GABBR2: variants seen among roughly 807,000 people sequenced by gnomAD.
The protein encoded by GABBR2 is gamma-aminobutyric acid type B receptor subunit 2.
Under a neutral mutation model 105.6 loss-of-function variants are expected in GABBR2, and 23 were observed. The ratio of observed to expected loss-of-function variants is 0.22; its 90% CI spans 0.16 to 0.31. The LOEUF is 0.31. Among genes scored for constraint, GABBR2 ranks in the 10% least tolerant of loss-of-function variants. The pLI is 1.00. For synonymous variants in GABBR2, 478 were observed against 499.7 expected, an observed-to-expected ratio of 0.96 and a Z score of 0.58; for missense variants, 734 against 1,245.5, an observed-to-expected ratio of 0.59 and a Z score of 6.18.
At position 98,289,639 on chromosome 9, in the gene GABBR2, A is replaced by G. The variant is rs1434084485; in HGVS notation, c.*945T>C. On this transcript the variant is annotated 3_prime_UTR_variant, in exon 19 of 19. Transcript: ENST00000259455. ...TGGTCAGAAACAAAGTTAGTGGGAA[A>G]AAAAAAAAAAAAATCCCAGCCAGCC... 7.4e-6 allele frequency: 1 copy of G among 135,334 alleles called. No individual in the cohort carries two copies. The highest frequency in any genetic ancestry group is 1.7e-5 in the Non-Finnish European group (1 of 58,178). The allele number at this position is 135,334 out of a possible 1,614,324, so 8.4% of individuals were successfully genotyped here.
intron 7 of GABBR2, among the ~76,000 whole-genome samples, chr9:98,440,838 T>C (rs1468094046): frequency 6.6e-6 from 1 of 152,214 alleles, no homozygotes; most frequent in African/African-American, 2.4e-5. Flanking sequence ...TCCTGTCGGC[T>C]AAAATTTATG....
In GABBR2 at chr9:98,454,614, CAAACTG is replaced by C. The variant is rs1826293702; in HGVS notation, c.1000-403_1000-398del. ...AAATGTTAAAGTTATAGCATATGAA[CAAACTG>C]TTCAAAAATATTCTCTATCTCCTCA... is the stretch of plus-strand genomic sequence containing the variant. On this transcript the variant is annotated intron_variant, in intron 6 of 18. Coordinates refer to ENST00000259455, the MANE Select transcript of GABBR2 (RefSeq NM_005458.8). The surrounding 1 kb of genome is among the most constrained non-coding windows in gnomAD (Gnocchi z 4.6). Among the ~76,000 whole-genome samples, 1 of 152,150 alleles carries C rather than the reference CAAACTG, an allele frequency of 6.6e-6. No homozygotes were observed. The highest frequency in any genetic ancestry group is 1.5e-5 in the Non-Finnish European group (1 of 68,026).
chr9:98,529,848 C>A (rs550561032), intron 3 of GABBR2, among the ~76,000 whole-genome samples: 16 of 152,302 alleles, frequency 1.1e-4, no homozygotes, highest in African/African-American at 3.8e-4. Flanking sequence ...CAGGTAAAGT[C>A]TCAACTTAGA....
intron 1 of GABBR2, among the ~76,000 whole-genome samples, chr9:98,579,472 T>C (rs1030922459): frequency 1.3e-5 from 2 of 152,162 alleles, no homozygotes; most frequent in Admixed American, 6.5e-5. Flanking sequence ...CTACTGGGTG[T>C]CTTACCTCCC....
At chr9:98,562,719 T>C (rs960701690) in intron 2 of GABBR2, among the ~76,000 whole-genome samples, 1 of 152,052 alleles carries the variant, frequency 6.6e-6, no homozygotes, top group African/African-American at 2.4e-5. Flanking sequence ...CAGGTTAAAG[T>C]AACTTTCAAA....
intron 5 of GABBR2, 89 bp downstream of exon 5, chr9:98,480,842 CA>C: frequency 1.3e-6 from 1 of 788,720 alleles, no homozygotes; most frequent in South Asian, 1.4e-5. Flanking sequence ...CCTGTGATCC[CA>C]CTCACAGACT....
At chr9:98,572,108 A>G (rs1032108841) in intron 2 of GABBR2, among the ~76,000 whole-genome samples, 1 of 152,124 alleles carries the variant, frequency 6.6e-6, no homozygotes, top group Admixed American at 6.5e-5. Context: ...GCAGGCTCTG[A>G]CAGTTTGGAG....
chr9:98,647,453 C>G (rs1381020150), intron 1 of GABBR2, among the ~76,000 whole-genome samples: 1 of 152,180 alleles, frequency 6.6e-6, no homozygotes, highest in Non-Finnish European at 1.5e-5. Flanking sequence ...CAGATGGCCT[C>G]AAGTTTGATC....
At chr9:98,662,013 A>G (rs1432172226) in intron 1 of GABBR2, among the ~76,000 whole-genome samples, 1 of 152,156 alleles carries the variant, frequency 6.6e-6, no homozygotes, top group Non-Finnish European at 1.5e-5. Flanking sequence ...CTTCTGCTTC[A>G]CTTCAACTCT....
At chr9:98,380,647 T>G (rs537869263) in intron 11 of GABBR2, among the ~76,000 whole-genome samples, 3 of 152,342 alleles carry the variant, frequency 2.0e-5, no homozygotes, top group South Asian at 4.1e-4. Flanking sequence ...GGGGTATAGC[T>G]GGAGCTGTTC....
chr9:98,609,688 C>T (rs1463832760), intron 1 of GABBR2, among the ~76,000 whole-genome samples: 2 of 152,170 alleles, frequency 1.3e-5, no homozygotes, highest in Admixed American at 6.5e-5. Flanking sequence ...CTTTCGGCCC[C>T]CTCAGAAGGG....
At chr9:98,595,000 G>A (rs372575724) in intron 1 of GABBR2, among the ~76,000 whole-genome samples, 16 of 152,288 alleles carry the variant, frequency 1.1e-4, no homozygotes, top group African/African-American at 3.4e-4. Context: ...ACGTGCCAGC[G>A]GGGATGAGAG....
At chr9:98,704,822 A>G (rs1451790739) in intron 1 of GABBR2, among the ~76,000 whole-genome samples, 1 of 152,176 alleles carries the variant, frequency 6.6e-6, no homozygotes, top group Admixed American at 6.5e-5. Flanking sequence ...GGCTAGAATA[A>G]GAAACAATCA....
intron 6 of GABBR2, among the ~76,000 whole-genome samples, chr9:98,466,572 G>C (rs1826561294): frequency 6.6e-6 from 1 of 152,196 alleles, no homozygotes; most frequent in Admixed American, 6.5e-5. Flanking sequence ...TGAAAAGGAA[G>C]AGAATTAATA....
chr9:98,351,167 G>T (rs899318507), intron 13 of GABBR2, among the ~76,000 whole-genome samples: 13 of 85,686 alleles, frequency 1.5e-4, no homozygotes, highest in African/African-American at 4.0e-4. Flanking sequence ...CTTATAGTTG[G>T]CTTTTTAAAA....
intron 1 of GABBR2, among the ~76,000 whole-genome samples, chr9:98,703,350 G>C (rs1830854925): frequency 6.6e-6 from 1 of 152,176 alleles, no homozygotes; most frequent in Non-Finnish European, 1.5e-5. Context: ...TGTTAAAGTT[G>C]GCTTTCTGTC....
At chr9:98,447,530 AGTAT>A (rs201022193) in intron 7 of GABBR2, among the ~76,000 whole-genome samples, 556 of 103,176 alleles carry the variant, frequency 5.4e-3, no homozygotes, top group South Asian at 0.019. Flanking sequence ...ATATGTAACT[AGTAT>A]GTATGTGTGT....
At chr9:98,408,368 G>A (rs538200698) in intron 7 of GABBR2, among the ~76,000 whole-genome samples, 6 of 152,308 alleles carry the variant, frequency 3.9e-5, no homozygotes, top group South Asian at 2.1e-4. Flanking sequence ...ATGGAGACAC[G>A]GATGTGTAAC....
chr9:98,496,579 G>T, intron 3 of GABBR2, 65 bp from the exon 4 acceptor site: 1 of 1,060,608 alleles, frequency 9.4e-7, no homozygotes, highest in Non-Finnish European at 1.5e-6. Flanking sequence ...AGTTCCGAGG[G>T]GTCACCCTGG....
Sources: gnomAD v4.1 joint callset for allele counts (sites outside exome capture counted in the v4.1 genomes callset) on GRCh38, gnomAD v4.1.1 for gene constraint, Gnocchi (gnomAD v3.1) non-coding constraint, MANE v1.5 for transcripts, NCBI Gene and HGNC (gene_info 2026-07-23, HGNC 2026-07-21) for gene names.